Variants in CEP112 observed in about 807,000 individuals in gnomAD.
The protein encoded by CEP112 is centrosomal protein 112.
Under a neutral mutation model 153.0 loss-of-function variants are expected in CEP112, and 127 were observed. The ratio of observed to expected loss-of-function variants is 0.83; its 90% CI spans 0.72 to 0.96. The LOEUF is 0.96. Among genes scored for constraint, CEP112 ranks in the 40% least tolerant of loss-of-function variants. The probability of loss-of-function intolerance (pLI) is 0.00; values close to 1 mark genes in which losing one functional copy is unlikely to be tolerated. For synonymous variants in CEP112, 358 were observed against 374.4 expected (o/e 0.96, Z 0.51); for missense variants, 1,089 against 1,101.2 (o/e 0.99, Z 0.16).
intron 10 of CEP112, among the ~76,000 whole-genome samples, chr17:66,065,469 G>A (rs1264966705): frequency 6.6e-6 from 1 of 151,606 alleles, no homozygotes; most frequent in Non-Finnish European, 1.5e-5. Flanking sequence ...CCATTACCAG[G>A]CTACTCCTCC....
At chr17:65,714,236 A>C (rs497070) in intron 23 of CEP112, among the ~76,000 whole-genome samples, 78,113 of 151,560 alleles carry the variant, frequency 0.52, 21,048 homozygotes, top group African/African-American at 0.67. Context: ...ATGTGTATAT[A>C]TCTCTCTTCA....
At chr17:66,144,311 T>C (rs1249072061) in intron 4 of CEP112, among the ~76,000 whole-genome samples, 6 of 152,220 alleles carry the variant, frequency 3.9e-5, no homozygotes, top group African/African-American at 7.2e-5. Context: ...CTCATATGTA[T>C]GAAATTAAAC....
At chr17:66,106,508 T>A (rs145017676) in intron 6 of CEP112, among the ~76,000 whole-genome samples, 61 of 152,150 alleles carry the variant, frequency 4.0e-4, no homozygotes, top group African/African-American at 1.4e-3. Flanking sequence ...GACGCTACTA[T>A]GAGCAACTAT....
intron 17 of CEP112, among the ~76,000 whole-genome samples, chr17:65,977,314 C>T (rs912647157): frequency 3.3e-5 from 5 of 152,166 alleles, no homozygotes; most frequent in Admixed American, 3.3e-4. Flanking sequence ...TAGAAACGTT[C>T]CAGGTTTTCA....
At chr17:65,662,659 G>A (rs1263058600) in intron 24 of CEP112, among the ~76,000 whole-genome samples, 4 of 152,110 alleles carry the variant, frequency 2.6e-5, no homozygotes, top group African/African-American at 4.8e-5. Context: ...GCTGAGGGCC[G>A]CAGTATCCTC....
Position 66,093,266 on chromosome 17 carries a change from C to A in CEP112, c.768+2985G>T, listed in dbSNP as rs9899656. Among the ~76,000 whole-genome samples the A allele has an allele frequency of 1.5e-3, 228 of 152,174 alleles. 1 individual carries two copies. The highest frequency in any genetic ancestry group is 5.3e-3 in the African/African-American group (219 of 41,522). On this transcript the variant is annotated intron_variant, in intron 8 of 26. Transcript: ENST00000535342. ...CTAAGGCAGGAGAATTGCTTGAACC[C>A]GTGAGACGTAGGCTGCAGTGAGCTG... is the stretch of plus-strand genomic sequence containing the variant.
intron 4 of CEP112, among the ~76,000 whole-genome samples, chr17:66,156,941 T>C (rs1290807359): frequency 1.3e-5 from 2 of 152,120 alleles, no homozygotes; most frequent in Non-Finnish European, 2.9e-5. Context: ...GGAACCAAGT[T>C]GGAAAACACT....
intron 20 of CEP112, among the ~76,000 whole-genome samples, chr17:65,855,478 C>T (rs2058092315): frequency 6.6e-6 from 1 of 152,122 alleles, no homozygotes; most frequent in Non-Finnish European, 1.5e-5. Context: ...GGTAAATTCC[C>T]GACCAGCAGG....
At chr17:65,874,493 A>C (rs1165322181) in intron 20 of CEP112, among the ~76,000 whole-genome samples, 4 of 152,170 alleles carry the variant, frequency 2.6e-5, no homozygotes, top group Non-Finnish European at 5.9e-5. Flanking sequence ...ATCCAAAGTA[A>C]CATTAGTGGG....
chr17:66,174,845 T>C (rs1026125098), intron 4 of CEP112, among the ~76,000 whole-genome samples, 199 bp downstream of exon 4: 4 of 152,194 alleles, frequency 2.6e-5, no homozygotes, highest in Non-Finnish European at 4.4e-5. Flanking sequence ...CAGGGACCAC[T>C]TGTCAAGCAA....
intron 24 of CEP112, among the ~76,000 whole-genome samples, chr17:65,650,895 CTCT>C (rs1374265656): frequency 2.0e-5 from 3 of 151,692 alleles, no homozygotes; most frequent in Non-Finnish European, 2.9e-5. Flanking sequence ...CTCTCTCGCT[CTCT>C]TTTTTTTCTC....
intron 23 of CEP112, among the ~76,000 whole-genome samples, chr17:65,740,078 T>C (rs771918853): frequency 1.3e-5 from 2 of 152,270 alleles, no homozygotes; most frequent in African/African-American, 2.4e-5. Context: ...TCTTGAGTTA[T>C]ACTTTTGTTT....
chr17:65,727,520 C>T (rs2050249194), intron 23 of CEP112, among the ~76,000 whole-genome samples: 1 of 152,052 alleles, frequency 6.6e-6, no homozygotes, highest in African/African-American at 2.4e-5. Flanking sequence ...AGGGTCATAT[C>T]AGAGGAATAA....
intron 21 of CEP112, among the ~76,000 whole-genome samples, chr17:65,755,700 T>C (rs1304213838): frequency 6.6e-6 from 1 of 151,468 alleles, no homozygotes; most frequent in Non-Finnish European, 1.5e-5. Context: ...AAGAGATGAG[T>C]CAAGGATGAC....
intron 6 of CEP112, among the ~76,000 whole-genome samples, chr17:66,124,568 GAA>G (rs35217387): frequency 6.7e-6 from 1 of 148,800 alleles, no homozygotes; most frequent in East Asian, 2.0e-4. Flanking sequence ...GGCCAAGAAA[GAA>G]AAAAAAAAAT....
At chr17:65,666,150 G>T (rs2046679327) in intron 24 of CEP112, among the ~76,000 whole-genome samples, 1 of 152,164 alleles carries the variant, frequency 6.6e-6, no homozygotes, top group Non-Finnish European at 1.5e-5. Context: ...GGCCAAATCC[G>T]AACTCTGGGA....
chr17:66,070,176 C>T (rs899158554), intron 8 of CEP112, among the ~76,000 whole-genome samples, 175 bp from the exon 9 acceptor site: 3 of 152,174 alleles, frequency 2.0e-5, no homozygotes, highest in Admixed American at 1.3e-4. Flanking sequence ...TTTCAGTCCT[C>T]TAATTACTTT....
intron 1 of CEP112, among the ~76,000 whole-genome samples, chr17:66,185,243 CAG>C (rs1422328145): frequency 2.0e-5 from 3 of 152,172 alleles, no homozygotes; most frequent in Non-Finnish European, 2.9e-5. Flanking sequence ...TTTTTTGAGA[CAG>C]AGTCTTGCTC....
chr17:65,803,873 T>C (rs925637371), intron 21 of CEP112, among the ~76,000 whole-genome samples: 2 of 152,224 alleles, frequency 1.3e-5, no homozygotes, highest in Admixed American at 6.5e-5. Flanking sequence ...TTGATTCTTA[T>C]TTTTTACACA....
Sources: gnomAD v4.1 joint callset for allele counts (sites outside exome capture counted in the v4.1 genomes callset) on GRCh38, gnomAD v4.1.1 for gene constraint, MANE v1.5 for transcripts, NCBI Gene and HGNC (gene_info 2026-07-23, HGNC 2026-07-21) for gene names.